The following COL19A1 variants were observed in gnomAD, a reference collection of about 807,000 sequenced individuals.
The protein encoded by COL19A1 is collagen alpha-1(XIX) chain.
In COL19A1, 159 loss-of-function variants were observed where a neutral mutation model predicts 190.2. That is an observed-to-expected ratio of 0.84 (90% confidence interval 0.73 to 0.95). The LOEUF is 0.95. Among genes scored for constraint, COL19A1 ranks in the 40% least tolerant of loss-of-function variants. The pLI is 0.00. For synonymous variants in COL19A1, 509 were observed against 458.9 expected (o/e 1.11, Z -1.39); for missense variants, 1,418 against 1,431.9 (o/e 0.99, Z 0.16).
At chr6:69,958,756 TC>T (rs3840392) in intron 9 of COL19A1, among the ~76,000 whole-genome samples, 12,974 of 152,206 alleles carry the variant, frequency 0.085, 652 homozygotes, top group East Asian at 0.2. Context: ...GTAGCAGACA[TC>T]TCTGGTAAGA....
intron 11 of COL19A1, among the ~76,000 whole-genome samples, chr6:69,995,429 A>G (rs1363525255): frequency 1.3e-5 from 2 of 152,188 alleles, no homozygotes; most frequent in Non-Finnish European, 2.9e-5. Context: ...TCAGTTAGGT[A>G]GCTTTCCTGC....
At chr6:69,902,588 G>A (rs931412211) in intron 4 of COL19A1, among the ~76,000 whole-genome samples, 2 of 152,136 alleles carry the variant, frequency 1.3e-5, no homozygotes, top group African/African-American at 4.8e-5. Flanking sequence ...GGATAACAAC[G>A]CAGTAACCAA....
intron 15 of COL19A1, among the ~76,000 whole-genome samples, chr6:70,088,195 A>G (rs1191157408): frequency 6.6e-6 from 1 of 152,166 alleles, no homozygotes; most frequent in Non-Finnish European, 1.5e-5. Flanking sequence ...GCCCCTTTCA[A>G]ATGTATATAT....
chr6:70,058,649 T>G (rs1308418944), intron 14 of COL19A1, among the ~76,000 whole-genome samples: 12 of 151,238 alleles, frequency 7.9e-5, no homozygotes, highest in Admixed American at 7.9e-4. Flanking sequence ...TTAGGAAAAT[T>G]TTTTTCTTAT....
intron 14 of COL19A1, among the ~76,000 whole-genome samples, chr6:70,048,847 T>C (rs909426122): frequency 1.3e-5 from 2 of 152,108 alleles, no homozygotes; most frequent in African/African-American, 4.8e-5. Flanking sequence ...CTAATTTTAA[T>C]GTAGATTTAT....
chr6:70,162,726 A>T (rs1258817971), intron 35 of COL19A1, among the ~76,000 whole-genome samples: 1 of 152,186 alleles, frequency 6.6e-6, no homozygotes, highest in East Asian at 1.9e-4. Flanking sequence ...GTAGGAATGT[A>T]ATTATATATT....
chr6:69,979,139 A>T (rs1775895882), intron 11 of COL19A1, among the ~76,000 whole-genome samples: 1 of 152,006 alleles, frequency 6.6e-6, no homozygotes, highest in African/African-American at 2.4e-5. Context: ...GCAGGGTTTT[A>T]TGTAGCCAGT....
chr6:69,929,666 T>C lies in COL19A1; in HGVS notation c.632T>C (p.Ile211Thr). The C allele has an allele frequency of 6.2e-7, 1 of 1,613,804 alleles. No homozygotes were observed. ...DTVDFHGRTV[I>T]ATRASDGKPV... Reference sequence around the variant, plus strand: ...GTGGATTTCCATGGACGGACAGTTATTGCTACGCGAGCTTCAGATGGCAAG... The same window carrying C: ...GTGGATTTCCATGGACGGACAGTTACTGCTACGCGAGCTTCAGATGGCAAG... Residue 211 changes from isoleucine (I) to threonine (T), a missense_variant, in exon 6 of 51, where the codon ATT becomes ACT. Physicochemically the swap from Ile to Thr is moderately conservative, Grantham distance 89 (BLOSUM62 -1). Coordinates refer to ENST00000620364, the MANE Select transcript of COL19A1 (RefSeq NM_001858.6).
chr6:70,003,701 C>A (rs1009640159), intron 11 of COL19A1, among the ~76,000 whole-genome samples: 1 of 151,864 alleles, frequency 6.6e-6, no homozygotes, highest in Admixed American at 6.6e-5. Context: ...GCAACCCTTT[C>A]TTTTTGTTGC....
At chr6:70,058,165 A>T (rs1780616542) in intron 14 of COL19A1, among the ~76,000 whole-genome samples, 3 of 152,078 alleles carry the variant, frequency 2.0e-5, no homozygotes, top group Admixed American at 1.3e-4. Flanking sequence ...TAATAAAAAG[A>T]TAAGTTTTCT....
At chr6:69,930,526 A>C (rs1772688302) in intron 6 of COL19A1, among the ~76,000 whole-genome samples, 1 of 152,162 alleles carries the variant, frequency 6.6e-6, no homozygotes, top group Non-Finnish European at 1.5e-5. Context: ...CCAAGGATAG[A>C]ATTGATCCCG....
intron 42 of COL19A1, among the ~76,000 whole-genome samples, chr6:70,178,447 A>G (rs1765952068): frequency 6.6e-6 from 1 of 152,168 alleles, no homozygotes; most frequent in African/African-American, 2.4e-5. Flanking sequence ...TTTACATACT[A>G]CAAACATGTT....
intron 36 of COL19A1, 115 bp from the exon 37 acceptor site, chr6:70,165,826 A>G: frequency 2.1e-6 from 2 of 956,814 alleles, no homozygotes; most frequent in Non-Finnish European, 3.4e-6. Context: ...GGCTGAAACA[A>G]CATGGCAAGT....
At chr6:70,149,428 G>T (rs756112125) in intron 27 of COL19A1, among the ~76,000 whole-genome samples, 1 of 152,108 alleles carries the variant, frequency 6.6e-6, no homozygotes, top group Non-Finnish European at 1.5e-5. Context: ...TGCATTCTTT[G>T]TGCCCTCATG....
intron 15 of COL19A1, among the ~76,000 whole-genome samples, chr6:70,085,334 GA>G (rs967663711): frequency 2.0e-5 from 3 of 151,256 alleles, no homozygotes; most frequent in Non-Finnish European, 4.4e-5. Context: ...AGCTAATAGG[GA>G]AAGCACTGTA....
At chr6:70,032,092 T>C (rs1419464468) in intron 12 of COL19A1, among the ~76,000 whole-genome samples, 1 of 152,066 alleles carries the variant, frequency 6.6e-6, no homozygotes, top group African/African-American at 2.4e-5. Flanking sequence ...TGTCACTGGA[T>C]AGAAAATTAC....
chr6:70,057,659 C>T (rs1357262041), intron 14 of COL19A1, among the ~76,000 whole-genome samples: 1 of 152,004 alleles, frequency 6.6e-6, no homozygotes, highest in Non-Finnish European at 1.5e-5. Context: ...TTAAGGAACG[C>T]AGGTTATATT....
chr6:70,034,124 A>G (rs946460023), intron 12 of COL19A1, 121 bp from the exon 13 acceptor site: 6 of 725,976 alleles, frequency 8.3e-6, no homozygotes, highest in African/African-American at 7.0e-5. Context: ...ATTTCTCTCT[A>G]TACTACAAAA....
Position 69,938,109 on chromosome 6 carries a change from A to T in COL19A1, c.936+9A>T. On this transcript the variant is annotated intron_variant, in intron 9 of 50. Coordinates refer to ENST00000620364, the MANE Select transcript of COL19A1 (RefSeq NM_001858.6). ...GGCATAAAGGAGAGCCGGTAAGAAA[A>T]AAACAAATACTGATGGAGAAAACAG... 6.2e-7 allele frequency: 1 copy of T among 1,611,606 alleles called. No individual in the cohort carries two copies. The highest frequency in any genetic ancestry group is 8.5e-7 in the Non-Finnish European group (1 of 1,178,688).
Sources: allele counts gnomAD v4.1 joint callset (sites outside exome capture counted in the v4.1 genomes callset), GRCh38; gene constraint gnomAD v4.1.1; transcripts MANE v1.5; gene names NCBI Gene and HGNC (gene_info 2026-07-23, HGNC 2026-07-21).